The following SLC17A5 variants were observed in gnomAD, a reference collection of about 807,000 sequenced individuals.
The protein encoded by SLC17A5 is sialin.
In SLC17A5, 47 loss-of-function variants were observed where a neutral mutation model predicts 59.4. The observed-to-expected ratio is 0.79, with a 90% CI of 0.63 to 1.01. SLC17A5 has a LOEUF of 1.01. Among genes scored for constraint, SLC17A5 ranks in the 50% least tolerant of loss-of-function variants. The probability of loss-of-function intolerance (pLI) is 0.00; values close to 1 mark genes in which losing one functional copy is unlikely to be tolerated. For synonymous variants in SLC17A5, 202 were observed against 210.7 expected (o/e 0.96, Z 0.36); for missense variants, 522 against 595.5 (o/e 0.88, Z 1.28).
chr6:73,620,022 C>G (rs1768066223), intron 7 of SLC17A5, among the ~76,000 whole-genome samples: 1 of 146,604 alleles, frequency 6.8e-6, no homozygotes, highest in Non-Finnish European at 1.5e-5. Flanking sequence ...CTCCTGGGTT[C>G]CAGTGATTCT....
At chr6:73,601,292 A>G (rs1767069636) in intron 9 of SLC17A5, among the ~76,000 whole-genome samples, 1 of 134,372 alleles carries the variant, frequency 7.4e-6, no homozygotes, top group African/African-American at 2.8e-5. Flanking sequence ...AGAAGTGAGG[A>G]GCCCCTCCGC....
Position 73,615,408 on chromosome 6 carries a change from A to G in SLC17A5, c.1018T>C (p.Leu340=), listed in dbSNP as rs1353171390. Residue 340 remains leucine (L), a synonymous_variant, in exon 8 of 11, where the codon TTA becomes CTA. Transcript: ENST00000355773. ...LSSLPYLGSW[L]CMILSGQAAD... ...GCTTGACCAGACAGGATCATACATA[A>G]CCAAGAGCCTAAATAAGGCAATGAA... The G allele has an allele frequency of 1.9e-6, 3 of 1,613,914 alleles. No homozygotes were observed. In the African/African-American group the frequency reaches 4.0e-5, roughly 22 times the overall value.
intron 9 of SLC17A5, among the ~76,000 whole-genome samples, chr6:73,608,770 C>T (rs538175667): frequency 9.2e-5 from 14 of 152,296 alleles, no homozygotes. Flanking sequence ...AATCCTAGCA[C>T]TTCGGGGGGC....
intron 8 of SLC17A5, among the ~76,000 whole-genome samples, chr6:73,611,226 T>G (rs747817941): frequency 6.6e-6 from 1 of 152,168 alleles, no homozygotes; most frequent in Non-Finnish European, 1.5e-5. Context: ...CAGCCTGGGT[T>G]GTCAGAGCAA....
At chr6:73,618,930 T>C (rs1486911721) in intron 7 of SLC17A5, among the ~76,000 whole-genome samples, 1 of 152,176 alleles carries the variant, frequency 6.6e-6, no homozygotes, top group Admixed American at 6.6e-5. Context: ...TTTCACCGTG[T>C]TGCTCAGGCT....
At chr6:73,617,798 C>T (rs1767938356) in intron 7 of SLC17A5, among the ~76,000 whole-genome samples, 1 of 152,234 alleles carries the variant, frequency 6.6e-6, no homozygotes, top group Non-Finnish European at 1.5e-5. Context: ...CAAGATTGCG[C>T]CACTGCGCTC....
intron 9 of SLC17A5, among the ~76,000 whole-genome samples, chr6:73,603,551 G>C (rs1353985810): frequency 6.6e-6 from 1 of 151,550 alleles, no homozygotes; most frequent in Admixed American, 6.6e-5. Flanking sequence ...CTCCTGAGTA[G>C]CTGGGATTAC....
At chr6:73,600,590 C>T (rs1767012786) in intron 9 of SLC17A5, 149 bp from the exon 10 acceptor site, 1 of 681,134 alleles carries the variant, frequency 1.5e-6, no homozygotes, top group Non-Finnish European at 2.6e-6. Context: ...CTCACTGCAG[C>T]CTCTGCCTCC....
chr6:73,607,301 T>A (rs953384955), intron 9 of SLC17A5, among the ~76,000 whole-genome samples: 4 of 148,126 alleles, frequency 2.7e-5, no homozygotes, highest in Non-Finnish European at 6.0e-5. Context: ...TTTTTTGAGA[T>A]GGAGTTTCAC....
intron 6 of SLC17A5, among the ~76,000 whole-genome samples, chr6:73,626,897 G>A (rs143790515): frequency 1.5e-3 from 232 of 151,892 alleles, no homozygotes; most frequent in African/African-American, 5.3e-3. Context: ...TCAGCCTCCC[G>A]AGTAGCTGGG....
chr6:73,593,990 A>G lies in SLC17A5; in HGVS notation c.*1087T>C, dbSNP rs1004910898. The G allele has an allele frequency of 6.6e-5, 10 of 151,842 alleles. No individual in the cohort carries two copies. The highest frequency in any genetic ancestry group is 1.0e-4 in the Non-Finnish European group (7 of 67,978). The allele number at this position is 151,842 out of a possible 1,614,324, so 9.4% of individuals were successfully genotyped here. On this transcript the variant is annotated 3_prime_UTR_variant, in exon 11 of 11. Transcript: ENST00000355773. ...TTAAACCAGGATGATCTTATTTGTG[A>G]TTGACTGGGCATCGCACTTTTCTTT...
At chr6:73,634,487 C>T (rs1281689440) in intron 6 of SLC17A5, among the ~76,000 whole-genome samples, 1 of 152,216 alleles carries the variant, frequency 6.6e-6, no homozygotes, top group East Asian at 1.9e-4. Flanking sequence ...GCAACCTCTG[C>T]CTCCTGGGTT....
intron 6 of SLC17A5, among the ~76,000 whole-genome samples, chr6:73,629,064 G>T (rs1422773321): frequency 6.6e-6 from 1 of 152,070 alleles, no homozygotes; most frequent in Non-Finnish European, 1.5e-5. Flanking sequence ...TTCCTAAAAG[G>T]CATAAAGGAG....
At chr6:73,619,757 T>C (rs1302765267) in intron 7 of SLC17A5, among the ~76,000 whole-genome samples, 1 of 152,100 alleles carries the variant, frequency 6.6e-6, no homozygotes, top group African/African-American at 2.4e-5. Flanking sequence ...TAAAAGATCC[T>C]TGTTTTAAAG....
chr6:73,625,834 G>A (rs968864197), intron 6 of SLC17A5, among the ~76,000 whole-genome samples: 7 of 152,170 alleles, frequency 4.6e-5, no homozygotes, highest in Non-Finnish European at 7.4e-5. Context: ...GTGGGTGGGT[G>A]GGAGGTAAGT....
rs374238171 is a variant in SLC17A5 at position 73,631,217 on chromosome 6, C to T, written c.819+4165G>A. Among the ~76,000 whole-genome samples, 5 of 151,478 alleles carry T rather than the reference C, an allele frequency of 3.3e-5. No homozygotes were observed. The South Asian group carries it at 8.3e-4, about 25-fold the overall frequency. On this transcript the variant is annotated intron_variant, in intron 6 of 10. Transcript: ENST00000355773. ...ACCACTTTACAGTGAGCTGAGATCA[C>T]CCCACTGCATGACAGTCCGGGAGAC...
intron 9 of SLC17A5, among the ~76,000 whole-genome samples, chr6:73,609,531 T>G (rs1285402930): frequency 6.6e-6 from 1 of 150,766 alleles, no homozygotes; most frequent in Non-Finnish European, 1.5e-5. Context: ...ATAGGTAATA[T>G]AGTTAGACAA....
intron 7 of SLC17A5, 100 bp downstream of exon 7, chr6:73,621,704 A>G (rs999634039): frequency 1.1e-4 from 106 of 971,556 alleles, no homozygotes; most frequent in Non-Finnish European, 1.5e-4. Flanking sequence ...GCAGAGTAAA[A>G]TGGAAGATAC....
chr6:73,624,223 G>C (rs1768291929), intron 6 of SLC17A5, among the ~76,000 whole-genome samples: 1 of 151,900 alleles, frequency 6.6e-6, no homozygotes, highest in Non-Finnish European at 1.5e-5. Context: ...GGGCAACATG[G>C]TGAAACCCTG....
Sources: gnomAD v4.1 joint callset for allele counts (sites outside exome capture counted in the v4.1 genomes callset) on GRCh38, gnomAD v4.1.1 for gene constraint, MANE v1.5 for transcripts, NCBI Gene and HGNC (gene_info 2026-07-23, HGNC 2026-07-21) for gene names.